Variants in SYNE2 observed in about 807,000 individuals in gnomAD.
SYNE2 encodes nesprin-2.
Under a neutral mutation model 856.3 loss-of-function variants are expected in SYNE2, and 431 were observed. The ratio of observed to expected loss-of-function variants is 0.50; its 90% CI spans 0.47 to 0.55. The LOEUF is 0.55. Ranked by LOEUF, SYNE2 falls within the 20% of genes least tolerant of loss-of-function variation. SYNE2 has a pLI of 0.00. For synonymous variants in SYNE2, 2,923 were observed against 2,872.3 expected (o/e 1.02, Z -0.56); for missense variants, 8,129 against 8,023.2 (o/e 1.01, Z -0.50).
At chr14:63,774,312 T>C (rs1887027904) in intron 1 of SYNE2, among the ~76,000 whole-genome samples, 1 of 151,610 alleles carries the variant, frequency 6.6e-6, no homozygotes, top group South Asian at 2.1e-4. Context: ...CTACTAAAGA[T>C]AGAAAAATTA....
intron 57 of SYNE2, 138 bp downstream of exon 57, chr14:64,081,718 T>C (rs928469006): frequency 4.1e-6 from 4 of 973,088 alleles, no homozygotes; most frequent in Middle Eastern, 3.0e-4. Context: ...AGAAGGAAGC[T>C]TGAGAGAGTG....
intron 1 of SYNE2, among the ~76,000 whole-genome samples, chr14:63,815,508 C>T (rs775330329): frequency 2.2e-4 from 33 of 152,006 alleles, no homozygotes; most frequent in Middle Eastern, 3.4e-3. Flanking sequence ...TGGTGCCCAC[C>T]CAGATTAAGG....
intron 104 of SYNE2, 55 bp downstream of exon 104, chr14:64,212,153 G>T: frequency 6.2e-7 from 1 of 1,611,152 alleles, no homozygotes; most frequent in Non-Finnish European, 8.5e-7. Flanking sequence ...TTGCGTGGGA[G>T]AGCTGGCCAA....
chr14:63,970,657 T>C (rs531960548), intron 11 of SYNE2, among the ~76,000 whole-genome samples: 19 of 142,014 alleles, frequency 1.3e-4, no homozygotes, highest in South Asian at 2.4e-4. Context: ...TTTTCTTTTT[T>C]TTTTTTTTTT....
intron 22 of SYNE2, among the ~76,000 whole-genome samples, chr14:63,994,237 C>G (rs1294769169): frequency 2.0e-5 from 3 of 152,130 alleles, no homozygotes; most frequent in African/African-American, 7.2e-5. Context: ...GGTAACACCA[C>G]CTACTGGGCA....
chr14:63,888,733 T>C (rs1487922923), intron 1 of SYNE2, among the ~76,000 whole-genome samples: 1 of 152,218 alleles, frequency 6.6e-6, no homozygotes, highest in Non-Finnish European at 1.5e-5. Context: ...CCCTTTGTCT[T>C]CTTGAGATGT....
chr14:63,950,904 G>A (rs1255866), intron 7 of SYNE2, among the ~76,000 whole-genome samples: 73,310 of 151,814 alleles, frequency 0.48, 18,742 homozygotes, highest in Non-Finnish European at 0.56. Context: ...CAATTCACCT[G>A]CCTCCGTCTT....
At chr14:64,064,311 A>G (rs1311306417) in intron 50 of SYNE2, among the ~76,000 whole-genome samples, 1 of 152,184 alleles carries the variant, frequency 6.6e-6, no homozygotes, top group Non-Finnish European at 1.5e-5. Flanking sequence ...TGCTGGACAA[A>G]GGGAAGATTC....
intron 1 of SYNE2, among the ~76,000 whole-genome samples, chr14:63,814,881 T>TATATCTCTCC (rs1555341134): frequency 2.7e-5 from 2 of 72,858 alleles, no homozygotes; most frequent in East Asian, 3.2e-4. Flanking sequence ...TATATATCCA[T>TATATCTCTCC]ATATATATCC....
chr14:64,167,378 A>C lies in SYNE2; in HGVS notation c.16751A>C (p.Glu5584Ala). ...QWIRATATAL[E>A]RCSELQGIGL... ...ATTCGGGCCACGGCCACGGCACTGG[A>C]GCGCTGCAGGTTAGAACATCCCTTC... Residue 5584 changes from glutamate to alanine, a missense_variant, in exon 91 of 116, where the codon GAG (glutamate) becomes GCG (alanine). Around this residue, in one of 3 missense-constraint regions of SYNE2, gnomAD observed 5,410 missense variants for 5,284.8 expected, o/e 1.02. Transcript: ENST00000555002. 2 of 1,614,222 alleles carry C rather than the reference A, an allele frequency of 1.2e-6. No homozygotes were observed. Among genetic ancestry groups the C allele is most frequent in the Non-Finnish European group, 1.7e-6 (2 of 1,180,036 alleles).
chr14:64,091,327 G>A (rs2097611759), intron 60 of SYNE2, among the ~76,000 whole-genome samples: 1 of 152,186 alleles, frequency 6.6e-6, no homozygotes, highest in Non-Finnish European at 1.5e-5. Flanking sequence ...ACCTGAACAA[G>A]GCATTTGCAG....
At chr14:64,073,833 CT>C in intron 52 of SYNE2, 134 bp from the exon 53 acceptor site, 1 of 963,096 alleles carries the variant, frequency 1.0e-6, no homozygotes, top group Non-Finnish European at 1.6e-6. Flanking sequence ...AAAATTGTTA[CT>C]TTTTTTCTTA....
In SYNE2 at chr14:64,204,230, G is replaced by A. The variant is rs186175753; in HGVS notation, c.18201+1267G>A. On this transcript the variant is annotated intron_variant, in intron 100 of 115. Coordinates refer to ENST00000555002, the MANE Select transcript of SYNE2 (RefSeq NM_182914.3). ...AAAAGAATATTGATATAAGTATTAT[G>A]GAATTTTAATGGACATTACAGAGAT... 101 of 152,314 alleles carry A rather than the reference G, an allele frequency of 6.6e-4. 1 individual carries two copies. Among genetic ancestry groups the A allele is most frequent in the Admixed American group, 6.6e-3 (101 of 15,306 alleles). The allele number at this position is 152,314 out of a possible 1,614,324, so 9.4% of individuals were successfully genotyped here.
chr14:63,940,170 T>C lies in SYNE2; in HGVS notation c.80-444T>C, dbSNP rs1043841504. 1.1e-4 allele frequency among the ~76,000 whole-genome samples: 16 copies of C among 151,688 alleles called. No individual in the cohort carries two copies. In the Middle Eastern group the frequency reaches 0.01, roughly 97 times the overall value. On this transcript the variant is annotated intron_variant, in intron 2 of 115. Transcript: ENST00000555002. ...ACGACTCACTGCAGCCTTGACTTCC[T>C]GGGCTCAAGCCATCTTCCCCCCTCA...
intron 80 of SYNE2, among the ~76,000 whole-genome samples, chr14:64,141,089 T>G (rs183378001): frequency 4.4e-4 from 67 of 152,300 alleles, no homozygotes; most frequent in African/African-American, 1.6e-3. Context: ...ACTTACCCCA[T>G]TTAAATAATG....
intron 1 of SYNE2, among the ~76,000 whole-genome samples, chr14:63,833,019 C>T (rs1889725741): frequency 6.7e-6 from 1 of 150,328 alleles, no homozygotes; most frequent in Non-Finnish European, 1.5e-5. Context: ...GATATAGACC[C>T]TGTATAAAAA....
chr14:64,175,965 A>G (rs2098433837), intron 95 of SYNE2, among the ~76,000 whole-genome samples: 1 of 152,210 alleles, frequency 6.6e-6, no homozygotes, highest in Non-Finnish European at 1.5e-5. Flanking sequence ...GTGAAGCATA[A>G]TGATAATTGC....
At chr14:64,159,182 C>T (rs1253988753) in intron 86 of SYNE2, 130 bp from the exon 87 acceptor site, 19 of 1,270,128 alleles carry the variant, frequency 1.5e-5, no homozygotes, top group Admixed American at 3.5e-5. Flanking sequence ...TCTTCACATT[C>T]CTAATAGTTT....
chr14:63,916,731 T>A (rs559234036), intron 2 of SYNE2, among the ~76,000 whole-genome samples: 119 of 152,262 alleles, frequency 7.8e-4, no homozygotes, highest in Admixed American at 1.9e-3. Flanking sequence ...GACTCTGTTC[T>A]ACCTTATAAC....
Sources: allele counts gnomAD v4.1 joint callset (sites outside exome capture counted in the v4.1 genomes callset), GRCh38; gene constraint gnomAD v4.1.1; regional missense constraint gnomAD v4.1.1; transcripts MANE v1.5; gene names NCBI Gene and HGNC (gene_info 2026-07-23, HGNC 2026-07-21).